The following NTN1 variants were observed in gnomAD, a reference collection of about 807,000 sequenced individuals.
The protein encoded by NTN1 is netrin 1.
Under a neutral mutation model 54.2 loss-of-function variants are expected in NTN1, and 11 were observed. That is an observed-to-expected ratio of 0.20 (90% confidence interval 0.13 to 0.34). The LOEUF (loss-of-function observed/expected upper bound fraction) is 0.34, where lower values mean the gene tolerates loss of function less well. Ranked by LOEUF, NTN1 falls within the 10% of genes least tolerant of loss-of-function variation. NTN1 has a pLI of 1.00. For missense variants in NTN1, 740 were observed against 893.1 expected (o/e 0.83, Z 2.18); for synonymous variants, 371 against 382.0 (o/e 0.97, Z 0.33).
chr17:9,087,493 T>C (rs557328529), intron 2 of NTN1, among the ~76,000 whole-genome samples: 3 of 152,292 alleles, frequency 2.0e-5, no homozygotes, highest in African/African-American at 7.2e-5. Context: ...GGGACCGTGA[T>C]TGGCTTGTGC....
chr17:9,217,438 G>C (rs1905239635), intron 5 of NTN1, among the ~76,000 whole-genome samples: 1 of 152,206 alleles, frequency 6.6e-6, no homozygotes, highest in South Asian at 2.1e-4. Context: ...TACATGAGAG[G>C]CTGCCAAATA....
intron 2 of NTN1, among the ~76,000 whole-genome samples, chr17:9,140,598 C>G (rs552099511): frequency 6.6e-6 from 1 of 152,222 alleles, no homozygotes; most frequent in South Asian, 2.1e-4. Flanking sequence ...GAGGTAAAGG[C>G]AGGGCTTCCC....
chr17:9,038,395 C>G (rs979066262), intron 2 of NTN1, among the ~76,000 whole-genome samples: 2 of 152,104 alleles, frequency 1.3e-5, no homozygotes, highest in Non-Finnish European at 2.9e-5. Context: ...CCCCTCCTCC[C>G]ATTTGTTCCT....
rs117245996 is a variant in NTN1, at chr17:9,130,020, G to A, written c.1019-32793G>A. Among the ~76,000 whole-genome samples the A allele has an allele frequency of 1.5e-3, 234 of 152,290 alleles. 4 individuals carry two copies. The East Asian group carries it at 0.038, about 25-fold the overall frequency. On this transcript the variant is annotated intron_variant, in intron 2 of 6. Transcript: ENST00000173229. Reference sequence around the variant, plus strand: ...TGAGTGGCTTCTTGTTGGCATGTTGGTGATAAGGGACCCTGTGAAGTTATG... The same window carrying A: ...TGAGTGGCTTCTTGTTGGCATGTTGATGATAAGGGACCCTGTGAAGTTATG...
chr17:9,148,658 C>T (rs1002670287), intron 2 of NTN1, among the ~76,000 whole-genome samples: 5 of 151,984 alleles, frequency 3.3e-5, no homozygotes, highest in Admixed American at 1.3e-4. Flanking sequence ...ACTGAGAAGG[C>T]GTTTTGGTGT....
At chr17:9,106,050 C>A (rs781242661) in intron 2 of NTN1, among the ~76,000 whole-genome samples, 1 of 152,202 alleles carries the variant, frequency 6.6e-6, no homozygotes, top group Non-Finnish European at 1.5e-5. Flanking sequence ...ATTAGTGATG[C>A]AAACTCCTGG....
chr17:9,018,447 C>G (rs1458109045), upstream of NTN1, among the ~76,000 whole-genome samples: 1 of 151,992 alleles, frequency 6.6e-6, no homozygotes, highest in Non-Finnish European at 1.5e-5. Context: ...GTCTGGCCAA[C>G]ATGGTGAAAC....
intron 2 of NTN1, among the ~76,000 whole-genome samples, chr17:9,061,346 G>C (rs2091997643): frequency 6.6e-6 from 1 of 152,216 alleles, no homozygotes; most frequent in African/African-American, 2.4e-5. Context: ...AAGGGTAAGG[G>C]GGGGTCTGGC....
At chr17:9,185,462 T>C (rs2142322199) in intron 5 of NTN1, among the ~76,000 whole-genome samples, 1 of 152,370 alleles carries the variant, frequency 6.6e-6, no homozygotes, top group South Asian at 2.1e-4. Context: ...TGAAAGCTGA[T>C]GGACATAACC....
At chr17:9,014,611 A>G in the NTN1 span, among the ~76,000 whole-genome samples, 2 of 152,206 alleles carry the variant, frequency 1.3e-5, no homozygotes, top group African/African-American at 4.8e-5. Flanking sequence ...CAATCTGGGA[A>G]GGAAACACTA....
intron 6 of NTN1, among the ~76,000 whole-genome samples, chr17:9,235,065 C>T (rs1336758372): frequency 6.7e-6 from 1 of 149,100 alleles, no homozygotes; most frequent in Non-Finnish European, 1.5e-5. Flanking sequence ...CGGGTTCAAG[C>T]GATTCTCCTG....
At chr17:9,099,607 T>C (rs894185935) in intron 2 of NTN1, among the ~76,000 whole-genome samples, 2 of 152,180 alleles carry the variant, frequency 1.3e-5, no homozygotes, top group Non-Finnish European at 2.9e-5. Context: ...GATACGTGTT[T>C]GTATAGTTTT....
At chr17:9,128,602 C>T (rs2092254514) in intron 2 of NTN1, among the ~76,000 whole-genome samples, 1 of 152,142 alleles carries the variant, frequency 6.6e-6, no homozygotes, top group Non-Finnish European at 1.5e-5. Flanking sequence ...TTTTTTCTGT[C>T]TAAACTGAAG....
At chr17:9,134,780 T>G (rs925089314) in intron 2 of NTN1, among the ~76,000 whole-genome samples, 4 of 152,198 alleles carry the variant, frequency 2.6e-5, no homozygotes, top group Non-Finnish European at 4.4e-5. Flanking sequence ...CCGCTGAGTT[T>G]AAGCCTCAGG....
At chr17:9,032,553 C>T (rs1012988723) in intron 2 of NTN1, among the ~76,000 whole-genome samples, 4 of 152,230 alleles carry the variant, frequency 2.6e-5, no homozygotes, top group South Asian at 2.1e-4. Flanking sequence ...CGTCACAAAC[C>T]ACTGCCCTCA....
At chr17:9,044,320 C>T (rs985965270) in intron 2 of NTN1, among the ~76,000 whole-genome samples, 2 of 151,902 alleles carry the variant, frequency 1.3e-5, no homozygotes, top group Non-Finnish European at 2.9e-5. Context: ...CTGCAACCTC[C>T]GCCTCCCAAG....
At chr17:9,005,950 G>A in the NTN1 span, among the ~76,000 whole-genome samples, 1 of 152,222 alleles carries the variant, frequency 6.6e-6, no homozygotes, top group South Asian at 2.1e-4. Flanking sequence ...TGTGCCCAGA[G>A]GCCCCCCTTG....
chr17:9,202,987 T>C (rs1189816781), intron 5 of NTN1, among the ~76,000 whole-genome samples: 1 of 152,196 alleles, frequency 6.6e-6, no homozygotes, highest in East Asian at 1.9e-4. Flanking sequence ...AGTGGCGCGA[T>C]CTCCGCTCAC....
At position 9,023,121 on chromosome 17, in the gene NTN1, G is replaced by A; in HGVS notation, c.748G>A (p.Ala250Thr). Residue 250 changes from alanine to threonine, a missense_variant, in exon 2 of 7, where the codon GCC becomes ACC. Transcript: ENST00000173229. Reference protein sequence around the residue: ...DWVTATDIRVAFSRLHTFGDE... With the variant: ...DWVTATDIRVTFSRLHTFGDE... Reference sequence around the variant, plus strand: ...GGTCACGGCCACAGACATCCGCGTGGCCTTCAGCCGCCTGCACACGTTCGG... The same window carrying A: ...GGTCACGGCCACAGACATCCGCGTGACCTTCAGCCGCCTGCACACGTTCGG... 1 of 1,564,160 alleles carries A rather than the reference G, an allele frequency of 6.4e-7. No individual in the cohort carries two copies. Among genetic ancestry groups the A allele is most frequent in the Non-Finnish European group, 8.7e-7 (1 of 1,154,506 alleles).
Sources: allele counts gnomAD v4.1 joint callset (sites outside exome capture counted in the v4.1 genomes callset), GRCh38; gene constraint gnomAD v4.1.1; transcripts MANE v1.5; gene names NCBI Gene and HGNC (gene_info 2026-07-23, HGNC 2026-07-21).